Variants in DOCK10 observed in about 807,000 individuals in gnomAD.
DOCK10 encodes dedicator of cytokinesis 10, also known as dedicator of cytokinesis protein 10.
A neutral mutation model predicts 280.1 loss-of-function variants in DOCK10; 145 were observed. The ratio of observed to expected loss-of-function variants is 0.52; its 90% CI spans 0.45 to 0.59. DOCK10 has a LOEUF of 0.59. Among genes scored for constraint, DOCK10 ranks in the 20% least tolerant of loss-of-function variants. The pLI is 0.00. For synonymous variants in DOCK10, 915 were observed against 942.2 expected, an observed-to-expected ratio of 0.97 and a Z score of 0.53; for missense variants, 2,368 against 2,651.7, an observed-to-expected ratio of 0.89 and a Z score of 2.35.
chr2:224,981,586 G>A (rs1294191556), intron 1 of DOCK10, among the ~76,000 whole-genome samples: 3 of 152,062 alleles, frequency 2.0e-5, no homozygotes, highest in Non-Finnish European at 2.9e-5. Context: ...GCACAAAAAA[G>A]GAAAACATTG....
chr2:224,974,819 A>ATAATAT (rs1553626514), intron 1 of DOCK10, among the ~76,000 whole-genome samples: 1 of 132,348 alleles, frequency 7.6e-6, no homozygotes, highest in Admixed American at 8.6e-5. Context: ...TTATATATAT[A>ATAATAT]ATATATATAT....
chr2:225,033,050 A>G (rs1373294967), intron 1 of DOCK10, among the ~76,000 whole-genome samples: 1 of 152,210 alleles, frequency 6.6e-6, no homozygotes, highest in Non-Finnish European at 1.5e-5. Flanking sequence ...CCATTTTGGT[A>G]TTTAATTTAC....
At chr2:224,852,658 A>G (rs1041084377) in intron 17 of DOCK10, among the ~76,000 whole-genome samples, 10 of 152,220 alleles carry the variant, frequency 6.6e-5, no homozygotes, top group African/African-American at 1.2e-4. Flanking sequence ...GGGGGCAGGC[A>G]TGCTATTTTT....
At chr2:224,920,012 C>T (rs1701600373) in intron 2 of DOCK10, among the ~76,000 whole-genome samples, 1 of 151,964 alleles carries the variant, frequency 6.6e-6, no homozygotes, top group South Asian at 2.1e-4. Flanking sequence ...AACAGGGAGC[C>T]GTTGCTTTGC....
intron 11 of DOCK10, among the ~76,000 whole-genome samples, chr2:224,865,873 T>G (rs11884260): frequency 1.0e-4 from 14 of 136,358 alleles, no homozygotes; most frequent in African/African-American, 4.2e-4. Context: ...ACACACACAC[T>G]CTCTCTCTCT....
intron 1 of DOCK10, chr2:224,982,280 T>C: frequency 8.1e-7 from 1 of 1,232,044 alleles, no homozygotes; most frequent in South Asian, 4.1e-5. Flanking sequence ...GGATGGTTCC[T>C]CTTGGCGTCG....
chr2:224,842,685 C>T (rs1327536410), intron 22 of DOCK10, among the ~76,000 whole-genome samples: 2 of 151,986 alleles, frequency 1.3e-5, no homozygotes, highest in African/African-American at 4.8e-5. Context: ...TTCATTGATT[C>T]GTCTATTTGC....
chr2:224,950,345 T>C (rs1006609919), intron 1 of DOCK10, among the ~76,000 whole-genome samples: 2 of 152,226 alleles, frequency 1.3e-5, no homozygotes, highest in African/African-American at 4.8e-5. Flanking sequence ...CTAAATTTTT[T>C]ATGGAACCTA....
intron 2 of DOCK10, among the ~76,000 whole-genome samples, chr2:224,921,956 A>C (rs1701776848): frequency 6.6e-6 from 1 of 151,894 alleles, no homozygotes; most frequent in South Asian, 2.1e-4. Context: ...AAATAAAATA[A>C]AATAAAATAA....
At position 224,840,286 on chromosome 2, in the gene DOCK10, G is replaced by A. The variant is rs1695879209; in HGVS notation, c.2662-214C>T. On this transcript the variant is annotated intron_variant, in intron 23 of 55. Coordinates refer to ENST00000258390, the MANE Select transcript of DOCK10 (RefSeq NM_014689.3). Reference sequence around the variant, plus strand: ...TATCAAACTAAAAGGTTTCAGCACAGCCAAGGAAACACTCAATGGAGTAAA... The same window carrying A: ...TATCAAACTAAAAGGTTTCAGCACAACCAAGGAAACACTCAATGGAGTAAA... 7.2e-6 allele frequency: 3 copies of A among 417,564 alleles called. No individual in the cohort carries two copies. In the South Asian group the frequency reaches 1.3e-4, roughly 18 times the overall value. The allele number at this position is 417,564 out of a possible 1,614,324, so 25.9% of individuals were successfully genotyped here.
chr2:224,859,726 C>A (rs561956140), intron 14 of DOCK10, among the ~76,000 whole-genome samples: 23 of 152,100 alleles, frequency 1.5e-4, no homozygotes. Context: ...ATCTACACTG[C>A]GAAACAAACT....
intron 2 of DOCK10, among the ~76,000 whole-genome samples, chr2:224,921,112 A>AATATATATATATATATAT (rs1201609470): frequency 6.6e-4 from 36 of 54,328 alleles, no homozygotes; most frequent in Admixed American, 2.1e-3. Flanking sequence ...AAAAAAAAAA[A>AATATATATATATATATAT]ATATATATAT....
At chr2:224,897,082 T>C (rs1389053541) in intron 3 of DOCK10, among the ~76,000 whole-genome samples, 3 of 152,202 alleles carry the variant, frequency 2.0e-5, no homozygotes, top group Admixed American at 6.5e-5. Context: ...TTATTATTTA[T>C]ATAAGAGCCT....
intron 1 of DOCK10, among the ~76,000 whole-genome samples, chr2:225,005,528 CT>C (rs760038815): frequency 2.0e-5 from 3 of 152,102 alleles, no homozygotes; most frequent in African/African-American, 4.8e-5. Context: ...CAATGACTAC[CT>C]TTTTTCCATA....
intron 27 of DOCK10, among the ~76,000 whole-genome samples, chr2:224,827,800 C>T (rs1694965220): frequency 1.3e-5 from 2 of 152,084 alleles, no homozygotes; most frequent in Admixed American, 1.3e-4. Context: ...ATAGGATTTG[C>T]GAGTTAAGAG....
Position 224,765,553 on chromosome 2 carries a change from T to C in DOCK10, c.*168A>G, listed in dbSNP as rs3768867. 57 of 561,890 alleles carry C rather than the reference T, an allele frequency of 1.0e-4. No individual in the cohort carries two copies. In the East Asian group the frequency reaches 1.6e-3, roughly 16 times the overall value. The allele number at this position is 561,890 out of a possible 1,614,324, so 34.8% of individuals were successfully genotyped here. A position where few individuals can be genotyped will look rare whatever the true frequency, so the allele number is the denominator to read the frequency against. ...ACACTGCTCAAAGAAAAAAAAATTATACAAAATGTGCAAATTCAGAGGTTG... is the reference window on the plus strand; with the variant it reads ...ACACTGCTCAAAGAAAAAAAAATTACACAAAATGTGCAAATTCAGAGGTTG... On this transcript the variant is annotated 3_prime_UTR_variant, in exon 56 of 56. Coordinates refer to ENST00000258390, the MANE Select transcript of DOCK10 (RefSeq NM_014689.3).
chr2:224,886,516 T>C lies in DOCK10; in HGVS notation c.432A>G (p.Pro144=), dbSNP rs1411696328. ...CAAAGGAATGTGAAGGAAGCTTCTC[T>C]GGTTTGTATTCTGCTCTGATATTAA... ...IRQLPRAEYK[P]EKLPSHSFEI... is the part of the protein sequence containing the mutation. The change falls in exon 5 of 56, where the codon CCA becomes CCG. Residue 144 remains proline, a synonymous_variant. Coordinates refer to ENST00000258390, the MANE Select transcript of DOCK10 (RefSeq NM_014689.3). 2 of 1,607,770 alleles carry C rather than the reference T, an allele frequency of 1.2e-6. No homozygotes were observed. Among genetic ancestry groups the C allele is most frequent in the South Asian group, 1.1e-5 (1 of 90,894 alleles).
intron 1 of DOCK10, among the ~76,000 whole-genome samples, chr2:225,032,331 A>G (rs886547644): frequency 6.6e-6 from 1 of 152,182 alleles, no homozygotes; most frequent in Non-Finnish European, 1.5e-5. Flanking sequence ...CAGAAGCCAT[A>G]TAATGGCTTC....
At chr2:224,992,233 T>C (rs1706146549) in intron 1 of DOCK10, among the ~76,000 whole-genome samples, 1 of 152,226 alleles carries the variant, frequency 6.6e-6, no homozygotes, top group Non-Finnish European at 1.5e-5. Flanking sequence ...TCTGTGTTCA[T>C]TTTTCTCCCT....
Sources: gnomAD v4.1 joint callset for allele counts (sites outside exome capture counted in the v4.1 genomes callset) on GRCh38, gnomAD v4.1.1 for gene constraint, MANE v1.5 for transcripts, NCBI Gene and HGNC (gene_info 2026-07-23, HGNC 2026-07-21) for gene names.